Variants in KCNE2 observed in about 807,000 individuals in gnomAD.
KCNE2 encodes potassium voltage-gated channel subfamily E member 2.
KCNE2 carries 4 observed loss-of-function variants against 4.5 expected under a neutral mutation model. That is an observed-to-expected ratio of 0.89 (90% CI 0.44 to 2.03). The LOEUF (loss-of-function observed/expected upper bound fraction) is 2.03, where lower values mean the gene tolerates loss of function less well. Among genes scored for constraint, KCNE2 ranks in the 30% most tolerant of loss-of-function variants. KCNE2 has a pLI of 0.03. For missense variants in KCNE2, 137 were observed against 151.4 expected, an observed-to-expected ratio of 0.90 and a Z score of 0.50; for synonymous variants, 57 against 55.9, an observed-to-expected ratio of 1.02 and a Z score of -0.09.
intron 1 of KCNE2, among the ~76,000 whole-genome samples, chr21:34,366,847 C>T (rs9985125): frequency 4.9e-4 from 74 of 150,898 alleles, no homozygotes; most frequent in African/African-American, 1.7e-3. Context: ...GGCTTCGTGG[C>T]GGGTGCCTGT....
intron 1 of KCNE2, among the ~76,000 whole-genome samples, chr21:34,369,116 A>G (rs1979470444): frequency 6.6e-6 from 1 of 152,172 alleles, no homozygotes; most frequent in South Asian, 2.1e-4. Context: ...AACTGTAGTG[A>G]GCAAAGGGTA....
rs745612699 is a variant in KCNE2 at position 34,370,830 on chromosome 21, G to A, written c.352G>A (p.Gly118Arg). 1.2e-6 allele frequency: 2 copies of A among 1,614,012 alleles called. No individual in the cohort carries two copies. The highest frequency in any genetic ancestry group is 1.1e-5 in the South Asian group (1 of 91,024). Residue 118 changes from glycine to arginine, a missense_variant, in exon 2 of 2, where the codon GGG (glycine) becomes AGG (arginine). By Grantham distance (125) the Gly-to-Arg change is moderately radical (BLOSUM62 -2). Transcript: ENST00000290310. ...ATIHENIGAAGFKMSP is the reference protein window; with the variant it reads ...ATIHENIGAARFKMSP ...CATCCATGAGAACATTGGTGCGGCT[G>A]GGTTCAAAATGTCCCCCTGATAAGG...
rs931379102 is a variant in KCNE2 at position 34,368,832 on chromosome 21, G to C, written c.-12-1635G>C. Among the ~76,000 whole-genome samples the C allele has an allele frequency of 3.4e-4, 51 of 152,090 alleles. 1 individual carries two copies. Among genetic ancestry groups the C allele is most frequent in the Non-Finnish European group, 4.4e-5 (3 of 68,036 alleles). ...AATTTTTTTTAAACAAAAGTAATAT[G>C]AATATATACACACACATTTAGTGAC... On this transcript the variant is annotated intron_variant, in intron 1 of 1. Transcript: ENST00000290310.
intron 1 of KCNE2, among the ~76,000 whole-genome samples, chr21:34,364,693 A>G (rs1979218655): frequency 6.6e-6 from 1 of 152,018 alleles, no homozygotes; most frequent in South Asian, 2.1e-4. Flanking sequence ...GAACGGCATG[A>G]ACCCGGGAGG....
intron 1 of KCNE2, among the ~76,000 whole-genome samples, chr21:34,366,910 C>T (rs1979328749): frequency 7.9e-6 from 1 of 126,474 alleles, no homozygotes; most frequent in Admixed American, 1.1e-4. Flanking sequence ...ACCCGGGAGG[C>T]AGAGCTTGCA....
At chr21:34,364,912 G>A (rs997548837) in intron 1 of KCNE2, among the ~76,000 whole-genome samples, 1 of 152,154 alleles carries the variant, frequency 6.6e-6, no homozygotes, top group African/African-American at 2.4e-5. Flanking sequence ...GGATCATTCT[G>A]TAGCCTGGAG....
chr21:34,368,229 A>AAT (rs10596236), intron 1 of KCNE2, among the ~76,000 whole-genome samples: 3,963 of 84,504 alleles, frequency 0.047, 142 homozygotes, highest in East Asian at 0.065. Flanking sequence ...ACACACACAC[A>AAT]ATATATATAT....
rs1220752592 is a variant in KCNE2, at chr21:34,368,238, ATATATATATATATATATATATATGTATGT to A, written c.-12-2219_-12-2191del. On this transcript the variant is annotated intron_variant, in intron 1 of 1. Transcript: ENST00000290310. ...ACACACACACACACACAATATATAT[ATATATATATATATATATATATATGTATGT>A]TATATATATGTATGTTATATATATG... Among the ~76,000 whole-genome samples the A allele has an allele frequency of 1.6e-3, 170 of 107,098 alleles. 1 individual carries two copies. Among genetic ancestry groups the A allele is most frequent in the African/African-American group, 6.7e-3 (157 of 23,286 alleles). The allele number at this position is 107,098 out of a possible 152,430, so 70.3% of individuals were successfully genotyped here.
At chr21:34,369,692 G>A (rs993015040) in intron 1 of KCNE2, among the ~76,000 whole-genome samples, 3 of 152,176 alleles carry the variant, frequency 2.0e-5, no homozygotes, top group Admixed American at 1.3e-4. Context: ...GAGGCTGGGC[G>A]GTGCCAGTGG....
At position 34,370,519 on chromosome 21, in the gene KCNE2, T is replaced by A; in HGVS notation, c.41T>A (p.Val14Asp). 6.2e-7 allele frequency: 1 copy of A among 1,614,132 alleles called. No homozygotes were observed. Among genetic ancestry groups the A allele is most frequent in the Non-Finnish European group, 8.5e-7 (1 of 1,180,030 alleles). ...AATTTCACACAGACGCTGGAAGACG[T>A]CTTCCGAAGGATTTTTATTACTTAT... The part of the protein sequence containing the change: ...LSNFTQTLED[V>D]FRRIFITYMD... The change falls in exon 2 of 2, where the codon GTC becomes GAC. Residue 14 changes from valine to aspartate, a missense_variant. Coordinates refer to ENST00000290310, the MANE Select transcript of KCNE2 (RefSeq NM_172201.2).
intron 1 of KCNE2, among the ~76,000 whole-genome samples, chr21:34,368,557 G>A (rs1250266504): frequency 1.3e-5 from 2 of 151,884 alleles, no homozygotes; most frequent in Admixed American, 6.6e-5. Flanking sequence ...CCAAGATCGC[G>A]CCACTGCACT....
chr21:34,364,494 G>A (rs941153184), intron 1 of KCNE2, among the ~76,000 whole-genome samples: 2 of 152,164 alleles, frequency 1.3e-5, no homozygotes, highest in African/African-American at 4.8e-5. Flanking sequence ...TTGGGGCTGG[G>A]CGCGGTGGCT....
intron 1 of KCNE2, among the ~76,000 whole-genome samples, chr21:34,366,783 T>G (rs866257375): frequency 1.3e-5 from 2 of 150,582 alleles, no homozygotes; most frequent in East Asian, 4.0e-4. Context: ...ATCGAGACCA[T>G]CCTGGCTAAC....
At chr21:34,368,377 G>T (rs1979434754) in intron 1 of KCNE2, among the ~76,000 whole-genome samples, 1 of 151,322 alleles carries the variant, frequency 6.6e-6, no homozygotes, top group Admixed American at 6.6e-5. Flanking sequence ...GAGGCAGGTG[G>T]ATCACGAGGT....
chr21:34,368,229 A>ACTATATAT (rs781775671), intron 1 of KCNE2, among the ~76,000 whole-genome samples: 1 of 84,810 alleles, frequency 1.2e-5, no homozygotes. Context: ...ACACACACAC[A>ACTATATAT]ATATATATAT....
At chr21:34,368,202 CA>C (rs1979391455) in intron 1 of KCNE2, among the ~76,000 whole-genome samples, 2 of 87,966 alleles carry the variant, frequency 2.3e-5, no homozygotes, top group Admixed American at 1.5e-4. Context: ...AATAATCACA[CA>C]CACACACACA....
chr21:34,369,552 G>GA (rs113835651), intron 1 of KCNE2, among the ~76,000 whole-genome samples: 3,999 of 148,038 alleles, frequency 0.027, 81 homozygotes, highest in Middle Eastern at 0.051. Context: ...TCCGTCTTAA[G>GA]AAAAAAAAAA....
chr21:34,366,790 T>G (rs185579720), intron 1 of KCNE2, among the ~76,000 whole-genome samples: 8 of 150,892 alleles, frequency 5.3e-5, no homozygotes, highest in Non-Finnish European at 1.0e-4. Context: ...CCATCCTGGC[T>G]AACATGGTGA....
At chr21:34,364,484 T>C (rs1218319794) in intron 1 of KCNE2, among the ~76,000 whole-genome samples, 1 of 152,034 alleles carries the variant, frequency 6.6e-6, no homozygotes, top group Non-Finnish European at 1.5e-5. Context: ...AAAGAAAACT[T>C]TGGGGCTGGG....
Sources: gnomAD v4.1 joint callset for allele counts (sites outside exome capture counted in the v4.1 genomes callset) on GRCh38, gnomAD v4.1.1 for gene constraint, MANE v1.5 for transcripts, NCBI Gene and HGNC (gene_info 2026-07-23, HGNC 2026-07-21) for gene names.